Variants in FOXN1 observed in about 807,000 individuals in gnomAD.
FOXN1 encodes forkhead box N1.
FOXN1 carries 15 observed loss-of-function variants against 49.0 expected under a neutral mutation model. The ratio of observed to expected loss-of-function variants is 0.31; its 90% CI spans 0.20 to 0.47. The LOEUF (loss-of-function observed/expected upper bound fraction) is 0.47, where lower values mean the gene tolerates loss of function less well. Ranked by LOEUF, FOXN1 falls within the 20% of genes least tolerant of loss-of-function variation. FOXN1 has a pLI of 1.00. For synonymous variants in FOXN1, 356 were observed against 369.0 expected (o/e 0.96, Z 0.40); for missense variants, 800 against 842.8 (o/e 0.95, Z 0.63).
Position 28,537,826 on chromosome 17 carries a change from G to A in FOXN1, c.*390G>A, listed in dbSNP as rs972329856. On this transcript the variant is annotated 3_prime_UTR_variant, in exon 9 of 9. Coordinates refer to ENST00000579795, the MANE Select transcript of FOXN1 (RefSeq NM_001369369.1). The stretch of plus-strand genomic sequence containing the variant: ...ACTCCATCACTGAGAGCCCGACTTC[G>A]TTTCTGGGGCAACTGAGAGCTGAGC... 31 of 329,352 alleles carry A rather than the reference G, an allele frequency of 9.4e-5. No individual in the cohort carries two copies. The highest frequency in any genetic ancestry group is 3.6e-4 in the African/African-American group (17 of 47,184). The allele number at this position is 329,352 out of a possible 1,614,324, so 20.4% of individuals were successfully genotyped here.
In FOXN1 at chr17:28,534,295, C is replaced by G. The variant is rs762103394; in HGVS notation, c.928-36C>G. On this transcript the variant is annotated intron_variant, in intron 6 of 8. Coordinates refer to ENST00000579795, the MANE Select transcript of FOXN1 (RefSeq NM_001369369.1). This position sits in a 1 kb window ranked among gnomAD's most constrained non-coding sequence, Gnocchi z 4.1. Reference sequence around the variant, plus strand: ...CTGAAGCCCGCTCTGGCTTCCTGAGCCTGGCCTGAATGCTTGTCTTGCTCT... The same window carrying G: ...CTGAAGCCCGCTCTGGCTTCCTGAGGCTGGCCTGAATGCTTGTCTTGCTCT... The G allele has an allele frequency of 6.2e-7, 1 of 1,613,920 alleles. No homozygotes were observed. The highest frequency in any genetic ancestry group is 8.5e-7 in the Non-Finnish European group (1 of 1,180,000).
At chr17:28,512,120 T>C (rs2069408474) in intron 1 of FOXN1, among the ~76,000 whole-genome samples, 1 of 152,090 alleles carries the variant, frequency 6.6e-6, no homozygotes, top group Non-Finnish European at 1.5e-5. Context: ...CATTTCTCCA[T>C]CCCCTTCAGC....
At chr17:28,517,511 C>CACCTCCACAGGGTACAT in intron 1 of FOXN1, among the ~76,000 whole-genome samples, 1 of 150,186 alleles carries the variant, frequency 6.7e-6, no homozygotes. Context: ...ACAGGGTACA[C>CACCTCCACAGGGTACAT]ACCTCCACAG....
intron 1 of FOXN1, 71 bp from the exon 2 acceptor site, chr17:28,523,885 G>T (rs2069698157): frequency 6.8e-7 from 1 of 1,459,934 alleles, no homozygotes; most frequent in Non-Finnish European, 9.6e-7. Flanking sequence ...GGTTGGGGTG[G>T]AGGTGGCGAA....
At position 28,524,872 on chromosome 17, in the gene FOXN1, G is replaced by A. The variant is rs142223881; in HGVS notation, c.493G>A (p.Val165Met). The A allele has an allele frequency of 1.1e-5, 17 of 1,613,696 alleles. No homozygotes were observed. The Admixed American group carries it at 1.5e-4, about 14-fold the overall frequency. Reference protein sequence around the residue: ...LEAFEEIPVDVAEAEAFLPGF... With the variant: ...LEAFEEIPVDMAEAEAFLPGF... ...GGCCTTCGAGGAGATCCCAGTGGAC[G>A]TGGCGGAGGCCGAGGCCTTCCTGCC... Residue 165 changes from valine (V) to methionine (M), a missense_variant, in exon 3 of 9, where the codon GTG becomes ATG. Coordinates refer to ENST00000579795, the MANE Select transcript of FOXN1 (RefSeq NM_001369369.1).
chr17:28,515,805 C>T (rs960290662), intron 1 of FOXN1, among the ~76,000 whole-genome samples: 31 of 151,138 alleles, frequency 2.1e-4, no homozygotes, highest in Non-Finnish European at 8.9e-5. Flanking sequence ...AACACCATTC[C>T]CCAGGTGTAT....
chr17:28,516,485 C>T (rs1006559978), intron 1 of FOXN1, among the ~76,000 whole-genome samples: 2 of 151,368 alleles, frequency 1.3e-5, no homozygotes, highest in Admixed American at 6.6e-5. Context: ...CCACAGAGTA[C>T]ACACCTCCAC....
At chr17:28,536,524 G>A (rs746014262) in intron 8 of FOXN1, among the ~76,000 whole-genome samples, 3 of 152,104 alleles carry the variant, frequency 2.0e-5, no homozygotes, top group Non-Finnish European at 4.4e-5. Flanking sequence ...GTTTAGTCAG[G>A]CCCTCTCTCT....
At chr17:28,527,912 G>A (rs935197235) in intron 4 of FOXN1, among the ~76,000 whole-genome samples, 1 of 152,334 alleles carries the variant, frequency 6.6e-6, no homozygotes, top group East Asian at 1.9e-4. Context: ...CTCCTCCCAA[G>A]TGTATAGGAT....
Position 28,535,156 on chromosome 17 carries a change from C to A in FOXN1, c.1585C>A (p.Leu529Met). Reference sequence around the variant, plus strand: ...GCCAGATGGAGACCTTGGCACTGACCTGGATGCCATCAATCCCTCACTCAC... The same window carrying A: ...GCCAGATGGAGACCTTGGCACTGACATGGATGCCATCAATCCCTCACTCAC... ...LLPDGDLGTDLDAINPSLTDF... is the reference protein window; with the variant it reads ...LLPDGDLGTDMDAINPSLTDF... Residue 529 changes from leucine (L) to methionine (M), a missense_variant, in exon 8 of 9, where the codon CTG becomes ATG. Coordinates refer to ENST00000579795, the MANE Select transcript of FOXN1 (RefSeq NM_001369369.1). 3 of 1,613,388 alleles carry A rather than the reference C, an allele frequency of 1.9e-6. No individual in the cohort carries two copies. The highest frequency in any genetic ancestry group is 2.5e-6 in the Non-Finnish European group (3 of 1,179,792).
intron 1 of FOXN1, among the ~76,000 whole-genome samples, chr17:28,511,431 C>T (rs1163309292): frequency 1.3e-5 from 2 of 152,112 alleles, no homozygotes; most frequent in Admixed American, 6.5e-5. Flanking sequence ...AAAGAGCGAG[C>T]GCACCAGCAG....
chr17:28,534,962 C>G lies in FOXN1; in HGVS notation c.1391C>G (p.Pro464Arg). Reference sequence around the variant, plus strand: ...TTGCACCTCTCACCAGGCCTGGCCCCTCCTGGACCCCCGCAGCCATTGTTC... The same window carrying G: ...TTGCACCTCTCACCAGGCCTGGCCCGTCCTGGACCCCCGCAGCCATTGTTC... ...TYLHLSPGLA[P>R]PGPPQPLFPQ... The change falls in exon 8 of 9, where the codon CCT becomes CGT. Residue 464 changes from proline to arginine, a missense_variant. Pro to Arg is a moderately radical substitution (Grantham distance 103, BLOSUM62 -2). Transcript: ENST00000579795. This position sits in a 1 kb window ranked among gnomAD's most constrained non-coding sequence, Gnocchi z 4.1. The G allele has an allele frequency of 6.2e-7, 1 of 1,614,102 alleles. No homozygotes were observed. The highest frequency in any genetic ancestry group is 1.1e-5 in the South Asian group (1 of 91,086).
intron 4 of FOXN1, among the ~76,000 whole-genome samples, chr17:28,528,822 G>A (rs922577194): frequency 6.6e-6 from 1 of 152,180 alleles, no homozygotes; most frequent in South Asian, 2.1e-4. Context: ...CTCCCTGCAG[G>A]GTCCCGTCAC....
At chr17:28,516,562 A>G (rs2069507282) in intron 1 of FOXN1, among the ~76,000 whole-genome samples, 1 of 151,102 alleles carries the variant, frequency 6.6e-6, no homozygotes, top group Admixed American at 6.6e-5. Context: ...ACACACCTCC[A>G]CAGGGTACAC....
In FOXN1 at chr17:28,535,124, C is replaced by A. The variant is rs773523562; in HGVS notation, c.1553C>A (p.Thr518Asn). 6.2e-7 allele frequency: 1 copy of A among 1,609,158 alleles called. No homozygotes were observed. Among genetic ancestry groups the A allele is most frequent in the Admixed American group, 1.7e-5 (1 of 59,840 alleles). Residue 518 changes from threonine (T) to asparagine (N), a missense_variant, in exon 8 of 9, where the codon ACC becomes AAC. Physicochemically the swap from Thr to Asn is moderately conservative, Grantham distance 65. Around this residue, in one of 3 missense-constraint regions of FOXN1, gnomAD observed 344 missense variants for 366.1 expected, o/e 0.94. Coordinates refer to ENST00000579795, the MANE Select transcript of FOXN1 (RefSeq NM_001369369.1). The part of the protein sequence containing the change: ...EPSPARTMHD[T>N]LLPDGDLGTD... ...TCCCCAGCCAGGACTATGCACGACA[C>A]CCTGCTGCCAGATGGAGACCTTGGC...
intron 1 of FOXN1, among the ~76,000 whole-genome samples, chr17:28,515,488 C>A (rs1045749372): frequency 6.6e-6 from 1 of 151,766 alleles, no homozygotes; most frequent in Admixed American, 6.5e-5. Flanking sequence ...TACATACTTC[C>A]ATAGGTGAAC....
chr17:28,523,011 A>C (rs1315742486), intron 1 of FOXN1, among the ~76,000 whole-genome samples: 1 of 152,178 alleles, frequency 6.6e-6, no homozygotes, highest in Non-Finnish European at 1.5e-5. Context: ...CAGTTAGATG[A>C]TGACGCTGAA....
At chr17:28,533,705 C>T (rs988253356) in intron 6 of FOXN1, among the ~76,000 whole-genome samples, 4 of 152,198 alleles carry the variant, frequency 2.6e-5, no homozygotes, top group South Asian at 4.1e-4. Context: ...CACTTAGGGA[C>T]GTATGCACAT....
chr17:28,519,164 G>C (rs959816629), intron 1 of FOXN1, among the ~76,000 whole-genome samples: 7 of 152,126 alleles, frequency 4.6e-5, no homozygotes, highest in African/African-American at 1.7e-4. Context: ...CATGAGACAA[G>C]AGATACAAAA....
Sources: allele counts gnomAD v4.1 joint callset (sites outside exome capture counted in the v4.1 genomes callset), GRCh38; gene constraint gnomAD v4.1.1; regional missense constraint gnomAD v4.1.1; non-coding constraint Gnocchi (gnomAD v3.1); transcripts MANE v1.5; gene names NCBI Gene and HGNC (gene_info 2026-07-23, HGNC 2026-07-21).